LPP: variants seen among roughly 807,000 people sequenced by gnomAD.
LPP encodes lipoma-preferred partner.
In LPP, 38 loss-of-function variants were observed where a neutral mutation model predicts 60.4. The ratio of observed to expected loss-of-function variants is 0.63; its 90% CI spans 0.49 to 0.83. The LOEUF (loss-of-function observed/expected upper bound fraction) is 0.83. LPP is among the 40% of genes least tolerant of loss of function. LPP has a pLI of 0.00. For missense variants in LPP, 902 were observed against 783.6 expected, an observed-to-expected ratio of 1.15 and a Z score of -1.80; for synonymous variants, 328 against 290.8, an observed-to-expected ratio of 1.13 and a Z score of -1.30.
intron 1 of LPP, among the ~76,000 whole-genome samples, chr3:188,199,923 C>G (rs987980929): frequency 6.6e-6 from 1 of 152,020 alleles, no homozygotes; most frequent in African/African-American, 2.4e-5. Context: ...CCATGTTGGC[C>G]AGGCTGGTCT....
chr3:188,343,695 A>G (rs924928987), intron 3 of LPP, among the ~76,000 whole-genome samples: 6 of 152,186 alleles, frequency 3.9e-5, no homozygotes, highest in African/African-American at 1.4e-4. Flanking sequence ...AGAAAGAGGA[A>G]TTTTCTCTCT....
chr3:188,788,142 T>G (rs1374375074), intron 9 of LPP, among the ~76,000 whole-genome samples: 2 of 152,338 alleles, frequency 1.3e-5, no homozygotes, highest in East Asian at 3.9e-4. Flanking sequence ...TTTGGCTTCC[T>G]TTATATCTTC....
Position 188,218,524 on chromosome 3 carries a change from G to A in LPP, c.-189-6881G>A, listed in dbSNP as rs73887390. ...ACTCATTTCTGAGGCTTTCTCATGC[G>A]CCCCTCTTGCAGTCTGTAGTTACCA... On this transcript the variant is annotated intron_variant, in intron 1 of 11. Transcript: ENST00000617246. Among the ~76,000 whole-genome samples the A allele has an allele frequency of 9.0e-3, 1,373 of 152,260 alleles. 24 individuals carry two copies. Among genetic ancestry groups the A allele is most frequent in the African/African-American group, 0.031 (1,304 of 41,528 alleles).
chr3:188,491,215 C>G (rs115528344), intron 5 of LPP, among the ~76,000 whole-genome samples: 1 of 152,164 alleles, frequency 6.6e-6, no homozygotes, highest in Non-Finnish European at 1.5e-5. Flanking sequence ...ACTGGCTTTA[C>G]GTGGGTTGGA....
chr3:188,498,165 C>T (rs1331953749), intron 5 of LPP, among the ~76,000 whole-genome samples: 2 of 151,754 alleles, frequency 1.3e-5, no homozygotes, highest in African/African-American at 4.8e-5. Flanking sequence ...TTTTTTTCCC[C>T]CCCAGCTTGT....
At chr3:188,178,582 G>T (rs1723799976) in intron 1 of LPP, 1 of 152,200 alleles carries the variant, frequency 6.6e-6, no homozygotes, top group African/African-American at 2.4e-5. Flanking sequence ...TTACCTTTAT[G>T]GTTCTCTTAA....
At position 188,217,247 on chromosome 3, in the gene LPP, G is replaced by A. The variant is rs540133649; in HGVS notation, c.-189-8158G>A. On this transcript the variant is annotated intron_variant, in intron 1 of 11. Coordinates refer to ENST00000617246, the MANE Select transcript of LPP (RefSeq NM_001375462.1). The surrounding 1 kb of genome is among the most constrained non-coding windows in gnomAD (Gnocchi z 4.0). ...CAAGGAGGCCACCTTGTAGAAGTTG[G>A]GGGAAGAGCACTGCAGGCAGTGGAG... Among the ~76,000 whole-genome samples the A allele has an allele frequency of 4.6e-4, 70 of 152,168 alleles. No individual in the cohort carries two copies. Among genetic ancestry groups the A allele is most frequent in the Non-Finnish European group, 6.5e-4 (44 of 68,034 alleles).
At chr3:188,484,101 G>A (rs1355406305) in intron 4 of LPP, among the ~76,000 whole-genome samples, 1 of 152,026 alleles carries the variant, frequency 6.6e-6, no homozygotes, top group Non-Finnish European at 1.5e-5. Context: ...TACCAAGGAT[G>A]GACGTACCTT....
At chr3:188,563,734 T>TC (rs1397695608) in intron 6 of LPP, among the ~76,000 whole-genome samples, 2 of 150,760 alleles carry the variant, frequency 1.3e-5, no homozygotes, top group Non-Finnish European at 3.0e-5. Context: ...TTTTGTTTTT[T>TC]TTTTGTTTTT....
chr3:188,646,763 A>C (rs145876061), intron 7 of LPP, among the ~76,000 whole-genome samples: 5 of 152,238 alleles, frequency 3.3e-5, no homozygotes, highest in Non-Finnish European at 4.4e-5. Context: ...AAAGTTTCTC[A>C]GCTAGGAACA....
rs1173239577 is a variant in LPP, at chr3:188,680,820, C to A, written c.1114-27447C>A. On this transcript the variant is annotated intron_variant, in intron 7 of 11. Coordinates refer to ENST00000617246, the MANE Select transcript of LPP (RefSeq NM_001375462.1). Reference sequence around the variant, plus strand: ...TAAATGTCACCTCAAACTTTGAAATCTGGGAAAGTCTCATTATGAAACGCA... The same window carrying A: ...TAAATGTCACCTCAAACTTTGAAATATGGGAAAGTCTCATTATGAAACGCA... Among the ~76,000 whole-genome samples, 3 of 152,096 alleles carry A rather than the reference C, an allele frequency of 2.0e-5. No individual in the cohort carries two copies. The East Asian group carries it at 5.8e-4, about 29-fold the overall frequency.
intron 9 of LPP, among the ~76,000 whole-genome samples, chr3:188,836,022 T>A (rs1192098316): frequency 1.3e-5 from 2 of 152,236 alleles, no homozygotes; most frequent in African/African-American, 4.8e-5. Context: ...TTAGAACAAA[T>A]GCATTTGGGC....
chr3:188,516,827 G>A (rs1321247067), intron 5 of LPP, among the ~76,000 whole-genome samples: 1 of 151,908 alleles, frequency 6.6e-6, no homozygotes, highest in Middle Eastern at 3.2e-3. Context: ...GTACAGCCTG[G>A]TAATCTAAGG....
intron 6 of LPP, among the ~76,000 whole-genome samples, chr3:188,559,135 T>C (rs1385501970): frequency 6.6e-6 from 1 of 152,058 alleles, no homozygotes; most frequent in Non-Finnish European, 1.5e-5. Context: ...ATGTAGTTAA[T>C]TGTCAGTGGC....
intron 1 of LPP, among the ~76,000 whole-genome samples, chr3:188,220,858 C>T (rs1001698733): frequency 6.6e-6 from 1 of 152,118 alleles, no homozygotes; most frequent in Non-Finnish European, 1.5e-5. Context: ...AAGCCACCTG[C>T]CCCCCGACTT....
At chr3:188,635,974 C>G (rs1310400746) in intron 7 of LPP, among the ~76,000 whole-genome samples, 1 of 152,242 alleles carries the variant, frequency 6.6e-6, no homozygotes, top group East Asian at 1.9e-4. Context: ...TAGCCTAGAT[C>G]GTTGAAAAGG....
chr3:188,373,826 T>A (rs965639284), intron 3 of LPP, among the ~76,000 whole-genome samples: 6 of 151,764 alleles, frequency 4.0e-5, no homozygotes, highest in African/African-American at 1.4e-4. Context: ...TCTTCTAGGG[T>A]TTTTATGGTT....
At chr3:188,823,894 G>A (rs1176555209) in intron 9 of LPP, among the ~76,000 whole-genome samples, 3 of 151,776 alleles carry the variant, frequency 2.0e-5, no homozygotes, top group South Asian at 2.1e-4. Flanking sequence ...CCATCTCTCC[G>A]GCTTGCTTTT....
chr3:188,415,872 C>T (rs1366267631), intron 4 of LPP, among the ~76,000 whole-genome samples: 2 of 151,984 alleles, frequency 1.3e-5, no homozygotes, highest in Non-Finnish European at 2.9e-5. Context: ...GTGATGATTA[C>T]ATGAATCTAT....
Sources: allele counts gnomAD v4.1 joint callset (sites outside exome capture counted in the v4.1 genomes callset), GRCh38; gene constraint gnomAD v4.1.1; non-coding constraint Gnocchi (gnomAD v3.1); transcripts MANE v1.5; gene names NCBI Gene and HGNC (gene_info 2026-07-23, HGNC 2026-07-21).